The following NINJ2 variants were observed in gnomAD, a reference collection of about 807,000 sequenced individuals.
NINJ2 encodes ninjurin-2.
NINJ2 carries 12 observed loss-of-function variants against 11.7 expected under a neutral mutation model. The ratio of observed to expected loss-of-function variants is 1.02; its 90% CI spans 0.66 to 1.66. The LOEUF (loss-of-function observed/expected upper bound fraction) is 1.66. Ranked by LOEUF, NINJ2 falls within the 40% of genes most tolerant of loss-of-function variation. The probability of loss-of-function intolerance (pLI) is 0.00; values close to 1 mark genes in which losing one functional copy is unlikely to be tolerated. For missense variants in NINJ2, 187 were observed against 181.8 expected (o/e 1.03, Z -0.16); for synonymous variants, 93 against 76.8 (o/e 1.21, Z -1.10).
intron 1 of NINJ2, among the ~76,000 whole-genome samples, chr12:605,466 C>T (rs1200358812): frequency 1.3e-5 from 2 of 152,128 alleles, no homozygotes; most frequent in Non-Finnish European, 2.9e-5. Context: ...AGGCTGAGGC[C>T]GGAGGATCGC....
chr12:658,729 A>G (rs1298845869), intron 1 of NINJ2, among the ~76,000 whole-genome samples: 1 of 96,606 alleles, frequency 1.0e-5, no homozygotes, highest in Admixed American at 1.2e-4. Flanking sequence ...TGCTATGCTA[A>G]TGCTATGCTA....
At chr12:565,524 G>C in intron 2 of NINJ2, 123 bp from the exon 3 acceptor site, 1 of 1,049,722 alleles carries the variant, frequency 9.5e-7, no homozygotes, top group Non-Finnish European at 1.4e-6. Flanking sequence ...CAGAAATCAA[G>C]GGAGGTGGTC....
chr12:622,302 C>T (rs1264684745), intron 1 of NINJ2, among the ~76,000 whole-genome samples: 3 of 144,280 alleles, frequency 2.1e-5, no homozygotes, highest in Non-Finnish European at 4.5e-5. Flanking sequence ...CCCAGCTACT[C>T]AGGAGGCTGA....
At chr12:654,891 CA>C (rs1196945250) in intron 1 of NINJ2, among the ~76,000 whole-genome samples, 279 of 104,642 alleles carry the variant, frequency 2.7e-3, no homozygotes, top group East Asian at 7.0e-3. Context: ...AACTCCATTT[CA>C]AAAAAAAAAA....
intron 1 of NINJ2, among the ~76,000 whole-genome samples, chr12:622,157 C>T (rs1473953894): frequency 7.0e-6 from 1 of 143,526 alleles, no homozygotes; most frequent in Non-Finnish European, 1.5e-5. Context: ...CGCAGTGGCT[C>T]ATGCCTGTAA....
At chr12:579,221 A>G (rs1461535440) in intron 1 of NINJ2, among the ~76,000 whole-genome samples, 1 of 152,230 alleles carries the variant, frequency 6.6e-6, no homozygotes, top group African/African-American at 2.4e-5. Context: ...GTGAGACCTC[A>G]TGAAGTAGAT....
chr12:631,553 G>A (rs1948282467), intron 1 of NINJ2, among the ~76,000 whole-genome samples: 1 of 151,972 alleles, frequency 6.6e-6, no homozygotes, highest in African/African-American at 2.4e-5. Flanking sequence ...TAGTACAGAC[G>A]GGGTTTCACC....
intron 1 of NINJ2, among the ~76,000 whole-genome samples, chr12:599,878 G>A (rs574678847): frequency 1.2e-4 from 19 of 152,222 alleles, no homozygotes; most frequent in South Asian, 4.2e-4. Context: ...CCCATTGCCC[G>A]TCTCGGGCAC....
At chr12:605,205 A>G (rs1947926469) in intron 1 of NINJ2, among the ~76,000 whole-genome samples, 1 of 152,234 alleles carries the variant, frequency 6.6e-6, no homozygotes, top group Admixed American at 6.5e-5. Flanking sequence ...GATAGTCTGC[A>G]AAGTGCTGCT....
At chr12:638,439 G>A (rs539344121) in intron 1 of NINJ2, among the ~76,000 whole-genome samples, 132 of 144,508 alleles carry the variant, frequency 9.1e-4, no homozygotes, top group African/African-American at 3.1e-3. Context: ...GTTTTGAGAC[G>A]GAGTCTCGCT....
At chr12:610,308 T>G in intron 1 of NINJ2, 41 of 1,514,356 alleles carry the variant, frequency 2.7e-5, no homozygotes, top group Non-Finnish European at 3.6e-5. Flanking sequence ...CACCCAGTGC[T>G]GAGCTGGTGA....
At chr12:582,150 C>T (rs953971240) in intron 1 of NINJ2, among the ~76,000 whole-genome samples, 4 of 152,392 alleles carry the variant, frequency 2.6e-5, no homozygotes, top group Admixed American at 6.5e-5. Context: ...TGTGTTCCTC[C>T]TCCCGCAGCT....
rs1482729037 is a variant in NINJ2, at chr12:582,412, C to G, written c.34-16234G>C. ...ATGCTAGAGTGAATGAATGAATGGA[C>G]GCAGGCAGGCATGCTAGAGTGAATG... On this transcript the variant is annotated intron_variant, in intron 1 of 3. Transcript: ENST00000305108. Among the ~76,000 whole-genome samples, 63 of 95,314 alleles carry G rather than the reference C, an allele frequency of 6.6e-4. 2 individuals carry two copies. Among genetic ancestry groups the G allele is most frequent in the Admixed American group, 1.1e-3 (9 of 8,508 alleles). 62.5% of individuals were successfully genotyped at this position (95,314 alleles called of 152,430 possible). A position where few individuals can be genotyped will look rare whatever the true frequency, so the allele number is the denominator to read the frequency against.
chr12:599,979 C>T lies in NINJ2; in HGVS notation c.34-33801G>A, dbSNP rs141718527. On this transcript the variant is annotated intron_variant, in intron 1 of 3. Transcript: ENST00000305108. ...TCCTTCTGCCCAGCTGCCAGGGCCC[C>T]GATACTCAGCCCTCCCCTGCCTGGT... 3.1e-3 allele frequency among the ~76,000 whole-genome samples: 478 copies of T among 152,294 alleles called. 1 individual carries two copies. Among genetic ancestry groups the T allele is most frequent in the Middle Eastern group, 0.01 (3 of 294 alleles).
In NINJ2 at chr12:566,134, A is replaced by G. The variant is rs1947298640; in HGVS notation, c.78T>C (p.His26=). 1 of 1,614,082 alleles carries G rather than the reference A, an allele frequency of 6.2e-7. No individual in the cohort carries two copies. The highest frequency in any genetic ancestry group is 8.5e-7 in the Non-Finnish European group (1 of 1,179,994). ...CCGCCACGCTCTTCTTGGTGGCGTA[A>G]TGGTTCAGGTTGATGGGCTGGCTCC... is the stretch of plus-strand genomic sequence containing the variant. ...DPRSQPINLN[H]YATKKSVAES... Residue 26 remains histidine (H), a synonymous_variant, in exon 2 of 4, where the codon CAT becomes CAC. Transcript: ENST00000305108.
At chr12:618,779 C>T (rs1948122101) in intron 1 of NINJ2, among the ~76,000 whole-genome samples, 1 of 152,214 alleles carries the variant, frequency 6.6e-6, no homozygotes, top group African/African-American at 2.4e-5. Context: ...AAGGCAAACA[C>T]ACTTGGTTAC....
At chr12:658,085 G>A (rs1172496971) in intron 1 of NINJ2, among the ~76,000 whole-genome samples, 1 of 129,264 alleles carries the variant, frequency 7.7e-6, no homozygotes, top group Non-Finnish European at 1.6e-5. Context: ...TGCAACCTCC[G>A]CCTCCCGGGT....
chr12:624,877 G>T (rs1026292984), intron 1 of NINJ2, among the ~76,000 whole-genome samples: 15 of 149,034 alleles, frequency 1.0e-4, no homozygotes, highest in Non-Finnish European at 3.0e-5. Flanking sequence ...GGGAGGCCGA[G>T]GTGGGTGGAT....
At chr12:637,296 C>T (rs1048640907) in intron 1 of NINJ2, among the ~76,000 whole-genome samples, 2 of 151,770 alleles carry the variant, frequency 1.3e-5, no homozygotes, top group Non-Finnish European at 2.9e-5. Context: ...TTGCAGTGAG[C>T]CAAGATTGTG....
Sources: allele counts gnomAD v4.1 joint callset (sites outside exome capture counted in the v4.1 genomes callset), GRCh38; gene constraint gnomAD v4.1.1; transcripts MANE v1.5; gene names NCBI Gene and HGNC (gene_info 2026-07-23, HGNC 2026-07-21).